The following ARHGAP8 variants were observed in gnomAD, a reference collection of about 807,000 sequenced individuals.
The protein encoded by ARHGAP8 is Rho GTPase activating protein 8.
ARHGAP8 carries 62 observed loss-of-function variants against 46.1 expected under a neutral mutation model. The observed-to-expected ratio is 1.34, with a 90% CI of 1.10 to 1.66. The LOEUF is 1.66. Ranked by LOEUF, ARHGAP8 falls within the 40% of genes most tolerant of loss-of-function variation. The pLI, the probability that ARHGAP8 is intolerant of heterozygous loss-of-function variation, is 0.00. For synonymous variants in ARHGAP8, 375 were observed against 243.1 expected (o/e 1.54, Z -5.05); for missense variants, 923 against 568.4 (o/e 1.62, Z -6.34).
At chr22:44,831,021 G>A (rs893314409) in intron 7 of ARHGAP8, among the ~76,000 whole-genome samples, 1 of 152,042 alleles carries the variant, frequency 6.6e-6, no homozygotes, top group African/African-American at 2.4e-5. Context: ...TGTTTGGACC[G>A]TCTTTTCATT....
At chr22:44,832,017 G>A (rs966368750) in intron 7 of ARHGAP8, among the ~76,000 whole-genome samples, 2 of 152,062 alleles carry the variant, frequency 1.3e-5, no homozygotes, top group African/African-American at 4.8e-5. Context: ...TTTCAATAGG[G>A]CTTGTCCTGG....
intron 1 of ARHGAP8, among the ~76,000 whole-genome samples, chr22:44,775,813 T>G (rs1384368477): frequency 6.6e-6 from 1 of 152,210 alleles, no homozygotes; most frequent in Non-Finnish European, 1.5e-5. Context: ...TCGTATCTCA[T>G]TTTTAATCAG....
chr22:44,809,775 T>G (rs2147094964), intron 4 of ARHGAP8: 1 of 152,894 alleles, frequency 6.5e-6, no homozygotes, highest in Non-Finnish European at 1.5e-5. Flanking sequence ...CCTCTGGGTT[T>G]TCCTTCTTCA....
At chr22:44,842,005 C>T (rs1208357497) in intron 7 of ARHGAP8, among the ~76,000 whole-genome samples, 1 of 152,204 alleles carries the variant, frequency 6.6e-6, no homozygotes. Context: ...CATCCTCCCC[C>T]AAGTATGTAC....
At chr22:44,764,740 C>G (rs542860372) in intron 1 of ARHGAP8, among the ~76,000 whole-genome samples, 9 of 152,210 alleles carry the variant, frequency 5.9e-5, no homozygotes, top group Non-Finnish European at 1.3e-4. Context: ...AAAGAGAAAC[C>G]TGAGTGTGCG....
chr22:44,821,242 T>G (rs371183583), intron 5 of ARHGAP8, among the ~76,000 whole-genome samples: 4 of 152,024 alleles, frequency 2.6e-5, no homozygotes, highest in African/African-American at 7.2e-5. Context: ...CCATCCTGGC[T>G]AACATGTTGA....
At chr22:44,764,814 A>G (rs550410099) in intron 1 of ARHGAP8, among the ~76,000 whole-genome samples, 1 of 152,190 alleles carries the variant, frequency 6.6e-6, no homozygotes, top group Non-Finnish European at 1.5e-5. Flanking sequence ...ACGTGTGCGC[A>G]TTACGTGTCC....
chr22:44,764,470 G>A (rs1294257414), intron 1 of ARHGAP8, among the ~76,000 whole-genome samples: 1 of 152,238 alleles, frequency 6.6e-6, no homozygotes, highest in Admixed American at 6.5e-5. Context: ...GGGTGGTGGC[G>A]CGTGCGACGG....
chr22:44,856,365 C>T (rs2147184899), intron 10 of ARHGAP8, among the ~76,000 whole-genome samples: 1 of 145,416 alleles, frequency 6.9e-6, no homozygotes, highest in South Asian at 2.2e-4. Context: ...CCTCTGCCTC[C>T]CGGGTTCAAG....
At chr22:44,802,496 C>T (rs1401439052) in intron 3 of ARHGAP8, among the ~76,000 whole-genome samples, 2 of 152,294 alleles carry the variant, frequency 1.3e-5, no homozygotes, top group East Asian at 1.9e-4. Flanking sequence ...GGCTGCCGAG[C>T]GCCAGGCCTC....
intron 4 of ARHGAP8, among the ~76,000 whole-genome samples, chr22:44,813,762 TAC>T (rs1986037651): frequency 2.1e-5 from 3 of 145,250 alleles, no homozygotes; most frequent in Admixed American, 7.1e-5. Flanking sequence ...CACACCTATA[TAC>T]ACTTACACCT....
intron 10 of ARHGAP8, among the ~76,000 whole-genome samples, chr22:44,854,633 G>GT (rs2070177741): frequency 6.6e-6 from 1 of 151,796 alleles, no homozygotes; most frequent in South Asian, 2.1e-4. Flanking sequence ...GATGCAGCTG[G>GT]TTTTTTTGTT....
intron 10 of ARHGAP8, among the ~76,000 whole-genome samples, chr22:44,851,114 C>T (rs568845257): frequency 6.6e-6 from 1 of 152,110 alleles, no homozygotes; most frequent in Non-Finnish European, 1.5e-5. Flanking sequence ...TCCCAGTCCC[C>T]GGGGAGGGAA....
rs1602173155 is a variant in ARHGAP8 at position 44,786,497 on chromosome 22, T to G, written c.-31T>G. On this transcript the variant is annotated 5_prime_UTR_variant, in exon 2 of 12. Transcript: ENST00000356099. ...AGGCGGCGGCGGCTGCTGTGCTGGG[T>G]GCAGTGAGGAAGAGGCCCTCGGTGG... The G allele has an allele frequency of 6.2e-7, 1 of 1,612,180 alleles. No homozygotes were observed. Among genetic ancestry groups the G allele is most frequent in the Non-Finnish European group, 8.5e-7 (1 of 1,179,366 alleles).
chr22:44,772,521 T>C (rs1046541152), intron 1 of ARHGAP8, among the ~76,000 whole-genome samples: 5 of 151,774 alleles, frequency 3.3e-5, no homozygotes, highest in African/African-American at 9.7e-5. Flanking sequence ...TCTGCAAAGC[T>C]GAAACAAACC....
intron 6 of ARHGAP8, among the ~76,000 whole-genome samples, chr22:44,823,367 T>C (rs964202001): frequency 1.3e-5 from 2 of 152,092 alleles, no homozygotes; most frequent in African/African-American, 4.8e-5. Context: ...ACAGGGACAG[T>C]TGGCTAGATG....
chr22:44,797,679 C>G (rs534828876), intron 2 of ARHGAP8, among the ~76,000 whole-genome samples: 2 of 152,218 alleles, frequency 1.3e-5, no homozygotes, highest in African/African-American at 4.8e-5. Context: ...GAATCAGATG[C>G]GTGGCGTAAA....
intron 5 of ARHGAP8, among the ~76,000 whole-genome samples, chr22:44,817,078 G>A (rs1245999114): frequency 2.0e-5 from 3 of 152,040 alleles, no homozygotes; most frequent in African/African-American, 7.2e-5. Context: ...TAGAGACGGG[G>A]TTTCACCATG....
intron 5 of ARHGAP8, among the ~76,000 whole-genome samples, chr22:44,816,032 G>A (rs1929715770): frequency 6.6e-6 from 1 of 152,078 alleles, no homozygotes; most frequent in Non-Finnish European, 1.5e-5. Context: ...CTCCTGGAGG[G>A]CCTCCCTAGG....
Sources: gnomAD v4.1 joint callset for allele counts (sites outside exome capture counted in the v4.1 genomes callset) on GRCh38, gnomAD v4.1.1 for gene constraint, MANE v1.5 for transcripts, NCBI Gene and HGNC (gene_info 2026-07-23, HGNC 2026-07-21) for gene names.